Variants in TNIK observed in about 807,000 individuals in gnomAD.
The protein encoded by TNIK is TRAF2 and NCK interacting kinase, also known as TRAF2 and NCK-interacting protein kinase.
A neutral mutation model predicts 191.3 loss-of-function variants in TNIK; 49 were observed. The ratio of observed to expected loss-of-function variants is 0.26; its 90% CI spans 0.20 to 0.32. The LOEUF is 0.32. Ranked by LOEUF, TNIK falls within the 10% of genes least tolerant of loss-of-function variation. TNIK has a pLI of 1.00. For missense variants in TNIK, 1,155 were observed against 1,702.3 expected, an observed-to-expected ratio of 0.68 and a Z score of 5.66; for synonymous variants, 594 against 600.9, an observed-to-expected ratio of 0.99 and a Z score of 0.17.
intron 2 of TNIK, among the ~76,000 whole-genome samples, chr3:171,263,306 G>C (rs1285261663): frequency 6.6e-6 from 1 of 152,164 alleles, no homozygotes; most frequent in Non-Finnish European, 1.5e-5. Flanking sequence ...TTCATAGGAG[G>C]ATATGAATTG....
At chr3:171,249,514 T>C (rs1316133484) in intron 2 of TNIK, among the ~76,000 whole-genome samples, 1 of 152,166 alleles carries the variant, frequency 6.6e-6, no homozygotes, top group Non-Finnish European at 1.5e-5. Flanking sequence ...ATTAGGGGCC[T>C]CCTGCAGTGA....
intron 18 of TNIK, among the ~76,000 whole-genome samples, chr3:171,121,636 T>A (rs75186888): frequency 6.6e-6 from 1 of 152,354 alleles, no homozygotes; most frequent in African/African-American, 2.4e-5. Flanking sequence ...CACAGCATCA[T>A]GAGAAATATT....
At chr3:171,308,976 G>A (rs961277046) in intron 2 of TNIK, among the ~76,000 whole-genome samples, 32 of 152,180 alleles carry the variant, frequency 2.1e-4, no homozygotes, top group African/African-American at 7.5e-4. Flanking sequence ...TGCCACTATG[G>A]AAAGCAGTTC....
intron 2 of TNIK, among the ~76,000 whole-genome samples, chr3:171,339,200 C>A (rs1329381226): frequency 6.6e-6 from 1 of 152,226 alleles, no homozygotes; most frequent in African/African-American, 2.4e-5. Flanking sequence ...CCTGAACCTG[C>A]CATGTGTGGG....
chr3:171,192,001 A>G (rs1461887359), intron 5 of TNIK, among the ~76,000 whole-genome samples: 1 of 152,222 alleles, frequency 6.6e-6, no homozygotes, highest in Non-Finnish European at 1.5e-5. Context: ...CAACAACAAA[A>G]TCATGGTATG....
intron 12 of TNIK, among the ~76,000 whole-genome samples, chr3:171,141,615 G>T (rs899535622): frequency 1.3e-5 from 2 of 152,198 alleles, no homozygotes; most frequent in Non-Finnish European, 2.9e-5. Context: ...GATGACTGAG[G>T]AGCATGACTG....
At chr3:171,378,260 C>T (rs1228544902) in intron 1 of TNIK, among the ~76,000 whole-genome samples, 1 of 152,094 alleles carries the variant, frequency 6.6e-6, no homozygotes, top group Non-Finnish European at 1.5e-5. Flanking sequence ...CAGTGAGAGG[C>T]GGTATAGCAT....
At chr3:171,343,791 C>CAAAAG (rs1711690215) in intron 2 of TNIK, among the ~76,000 whole-genome samples, 1 of 152,138 alleles carries the variant, frequency 6.6e-6, no homozygotes, top group African/African-American at 2.4e-5. Context: ...ATCTCCAAAT[C>CAAAAG]AATGTATCAT....
rs180780206 is a variant in TNIK at position 171,167,092 on chromosome 3, A to C, written c.949+3T>G. Reference sequence around the variant, plus strand: ...GCTGCTGAAATACAAATGTGCGTCTAACCTTTTTCTCCTCGCTTCTTCTTT... The same window carrying C: ...GCTGCTGAAATACAAATGTGCGTCTCACCTTTTTCTCCTCGCTTCTTCTTT... On this transcript the variant is annotated splice_donor_region_variant and intron_variant, in intron 10 of 32. Coordinates refer to ENST00000436636, the MANE Select transcript of TNIK (RefSeq NM_015028.4). The C allele has an allele frequency of 1.4e-4, 224 of 1,609,112 alleles. 3 individuals carry two copies. The African/African-American group carries it at 2.6e-3, about 19-fold the overall frequency.
chr3:171,065,732 G>A (rs1401458786), intron 32 of TNIK, among the ~76,000 whole-genome samples: 1 of 151,628 alleles, frequency 6.6e-6, no homozygotes, highest in African/African-American at 2.4e-5. Flanking sequence ...CTTAAGGAAT[G>A]GGTGACATTT....
chr3:171,064,241 C>G (rs545017156), intron 32 of TNIK, among the ~76,000 whole-genome samples: 2 of 152,280 alleles, frequency 1.3e-5, no homozygotes, highest in African/African-American at 4.8e-5. Context: ...TGGGTGTTCA[C>G]TTTTTAAAAG....
chr3:171,129,447 C>T, intron 15 of TNIK, among the ~76,000 whole-genome samples: 1 of 152,202 alleles, frequency 6.6e-6, no homozygotes. Flanking sequence ...TCCTGTATCA[C>T]TTTCTTTTTC....
At chr3:171,167,036 G>A in intron 10 of TNIK, 59 bp downstream of exon 10, 1 of 1,554,906 alleles carries the variant, frequency 6.4e-7, no homozygotes, top group Non-Finnish European at 8.7e-7. Context: ...AATACATCAA[G>A]CGCCCATGAT....
intron 29 of TNIK, 134 bp from the exon 30 acceptor site, chr3:171,069,131 T>C: frequency 8.7e-7 from 1 of 1,147,822 alleles, no homozygotes; most frequent in Non-Finnish European, 1.2e-6. Flanking sequence ...CTTTCAGTTT[T>C]AGGTCTGTTG....
chr3:171,080,922 T>G (rs1409070010), intron 27 of TNIK, among the ~76,000 whole-genome samples: 1 of 152,206 alleles, frequency 6.6e-6, no homozygotes, highest in African/African-American at 2.4e-5. Flanking sequence ...TATGCCAATA[T>G]GAATCCAAGG....
intron 18 of TNIK, among the ~76,000 whole-genome samples, chr3:171,123,065 C>G (rs1432024220): frequency 6.6e-6 from 1 of 152,194 alleles, no homozygotes; most frequent in African/African-American, 2.4e-5. Context: ...CTTTGTAATG[C>G]CAAAGAGGCA....
chr3:171,429,220 T>C lies in TNIK; in HGVS notation c.57+30787A>G, dbSNP rs559641078. On this transcript the variant is annotated intron_variant, in intron 1 of 32. Transcript: ENST00000436636. Reference sequence around the variant, plus strand: ...CGTTATTTTAACTGCCCTACTTATTTTAAGGGTATCATGATCCCCAAATAA... The same window carrying C: ...CGTTATTTTAACTGCCCTACTTATTCTAAGGGTATCATGATCCCCAAATAA... 3.9e-5 allele frequency among the ~76,000 whole-genome samples: 6 copies of C among 152,304 alleles called. No homozygotes were observed. The East Asian group carries it at 7.7e-4, about 20-fold the overall frequency.
intron 1 of TNIK, among the ~76,000 whole-genome samples, chr3:171,412,674 GGA>G (rs1722561296): frequency 6.6e-6 from 1 of 152,154 alleles, no homozygotes; most frequent in South Asian, 2.1e-4. Flanking sequence ...TATAGAAGAA[GGA>G]GCAGGGCTTT....
At position 171,085,168 on chromosome 3, in the gene TNIK, T is replaced by C; in HGVS notation, c.2948A>G (p.Gln983Arg). 6.2e-7 allele frequency: 1 copy of C among 1,612,138 alleles called. No individual in the cohort carries two copies. Among genetic ancestry groups the C allele is most frequent in the Non-Finnish European group, 8.5e-7 (1 of 1,179,126 alleles). ...TTCATCTTCATCAGTGGGAGACGTC[T>C]GGTATACTCTGGGGTCCACAAAGGG... ...FTPFVDPRVY[Q>R]TSPTDEDEED... The change falls in exon 25 of 33, where the codon CAG (glutamine) becomes CGG (arginine). Residue 983 changes from glutamine (Q) to arginine (R), a missense_variant. Gln to Arg is a conservative substitution (Grantham distance 43, BLOSUM62 1). Around this residue, in one of 3 missense-constraint regions of TNIK, gnomAD observed 735 missense variants for 848.0 expected, o/e 0.87. Transcript: ENST00000436636.
Sources: allele counts gnomAD v4.1 joint callset (sites outside exome capture counted in the v4.1 genomes callset), GRCh38; gene constraint gnomAD v4.1.1; regional missense constraint gnomAD v4.1.1; transcripts MANE v1.5; gene names NCBI Gene and HGNC (gene_info 2026-07-23, HGNC 2026-07-21).